The following EYS variants were observed in gnomAD, a reference collection of about 807,000 sequenced individuals.
The protein encoded by EYS is EGF-like photoreceptor maintenance factor.
Under a neutral mutation model 282.1 loss-of-function variants are expected in EYS, and 250 were observed. The observed-to-expected ratio is 0.89, with a 90% CI of 0.80 to 0.98. The LOEUF (loss-of-function observed/expected upper bound fraction) is 0.98. Among genes scored for constraint, EYS ranks in the 50% least tolerant of loss-of-function variants. EYS has a pLI of 0.00. For missense variants in EYS, 4,016 were observed against 3,709.0 expected, an observed-to-expected ratio of 1.08 and a Z score of -2.15; for synonymous variants, 1,355 against 1,282.9, an observed-to-expected ratio of 1.06 and a Z score of -1.20.
intron 30 of EYS, among the ~76,000 whole-genome samples, chr6:64,276,388 G>A (rs1259782170): frequency 6.6e-6 from 1 of 152,108 alleles, no homozygotes; most frequent in Non-Finnish European, 1.5e-5. Context: ...CTTCATCTCT[G>A]TCCATCAATT....
intron 12 of EYS, among the ~76,000 whole-genome samples, chr6:65,125,058 G>A (rs532041355): frequency 1.3e-5 from 2 of 152,164 alleles, no homozygotes; most frequent in Non-Finnish European, 2.9e-5. Context: ...GAACAACTAG[G>A]AAGGGTCATT....
chr6:64,418,178 A>G (rs931187157), intron 28 of EYS, among the ~76,000 whole-genome samples: 2 of 152,060 alleles, frequency 1.3e-5, no homozygotes, highest in Non-Finnish European at 2.9e-5. Context: ...AGAAGAGGCT[A>G]TCCTTTAATT....
At chr6:64,226,296 T>G (rs1478361900) in intron 31 of EYS, among the ~76,000 whole-genome samples, 3 of 152,150 alleles carry the variant, frequency 2.0e-5, no homozygotes, top group Non-Finnish European at 4.4e-5. Context: ...TTTCTACTTT[T>G]GTAATTTCCT....
intron 28 of EYS, among the ~76,000 whole-genome samples, chr6:64,416,741 T>TAAG (rs1284912544): frequency 3.9e-5 from 6 of 152,228 alleles, no homozygotes; most frequent in Non-Finnish European, 7.3e-5. Flanking sequence ...TAAAATTTTC[T>TAAG]AAGTTCCATC....
At chr6:65,373,587 CA>C (rs771434262) in intron 8 of EYS, among the ~76,000 whole-genome samples, 176 of 151,962 alleles carry the variant, frequency 1.2e-3, no homozygotes, top group Non-Finnish European at 2.1e-3. Context: ...TAAATACATA[CA>C]AATATCTAAA....
intron 26 of EYS, among the ~76,000 whole-genome samples, chr6:64,526,482 T>A (rs1387355763): frequency 6.6e-6 from 1 of 151,812 alleles, no homozygotes; most frequent in Non-Finnish European, 1.5e-5. Context: ...AATTATATAT[T>A]TTTTCCAGAC....
intron 41 of EYS, among the ~76,000 whole-genome samples, chr6:63,749,943 G>A (rs1467236847): frequency 6.6e-6 from 1 of 152,166 alleles, no homozygotes; most frequent in East Asian, 1.9e-4. Context: ...ACCTGGCTGT[G>A]TCTGGTTGGC....
chr6:64,601,716 C>G (rs1766767058), intron 24 of EYS, among the ~76,000 whole-genome samples: 1 of 151,988 alleles, frequency 6.6e-6, no homozygotes, highest in Non-Finnish European at 1.5e-5. Flanking sequence ...CATCATTTCC[C>G]TTTTGAAAAA....
intron 36 of EYS, among the ~76,000 whole-genome samples, chr6:63,814,797 T>C (rs1038137767): frequency 6.6e-6 from 1 of 152,198 alleles, no homozygotes; most frequent in Non-Finnish European, 1.5e-5. Flanking sequence ...GTATCTGCAA[T>C]ACATTACAGT....
At chr6:64,024,516 C>A (rs576861151) in intron 33 of EYS, among the ~76,000 whole-genome samples, 2 of 152,028 alleles carry the variant, frequency 1.3e-5, no homozygotes, top group Non-Finnish European at 2.9e-5. Flanking sequence ...GCAGGCTTCC[C>A]GAGCAAGCAG....
In EYS at chr6:65,680,685, A is replaced by C. The variant is rs147298315; in HGVS notation, c.-448+26450T>G. 9.8e-4 allele frequency among the ~76,000 whole-genome samples: 149 copies of C among 152,124 alleles called. 5 individuals carry two copies. In the East Asian group the frequency reaches 0.026, roughly 26 times the overall value. Reference sequence around the variant, plus strand: ...GACTCTGATTTATATGCTGAGTTCAATTTCAGCTTTCTATTATAAATGACC... The same window carrying C: ...GACTCTGATTTATATGCTGAGTTCACTTTCAGCTTTCTATTATAAATGACC... On this transcript the variant is annotated intron_variant, in intron 1 of 42. Coordinates refer to ENST00000503581, the MANE Select transcript of EYS (RefSeq NM_001142800.2).
intron 24 of EYS, among the ~76,000 whole-genome samples, chr6:64,602,734 A>G (rs2149838973): frequency 6.6e-6 from 1 of 152,222 alleles, no homozygotes; most frequent in East Asian, 1.9e-4. Context: ...AACATGCATC[A>G]AGAAACATTT....
rs577044383 is a variant in EYS, at chr6:65,344,091, C to T, written c.1546G>A (p.Asp516Asn). 30 of 1,610,482 alleles carry T rather than the reference C, an allele frequency of 1.9e-5. No homozygotes were observed. The highest frequency in any genetic ancestry group is 1.7e-4 in the Middle Eastern group (1 of 5,968). Residue 516 changes from aspartate to asparagine, a missense_variant, in exon 10 of 43, where the codon GAT becomes AAT. By Grantham distance (23) the Asp-to-Asn change is conservative. Coordinates refer to ENST00000503581, the MANE Select transcript of EYS (RefSeq NM_001142800.2). ...NCTEDATYVN[D>N]PEDNNSSCWF... Reference sequence around the variant, plus strand: ...CATGAAGAATTATTATCTTCAGGATCGTTCACATAGGTTGCATCTTCAGTG... The same window carrying T: ...CATGAAGAATTATTATCTTCAGGATTGTTCACATAGGTTGCATCTTCAGTG...
chr6:64,007,888 G>C (rs1300492053), intron 33 of EYS, among the ~76,000 whole-genome samples: 1 of 152,082 alleles, frequency 6.6e-6, no homozygotes, highest in Non-Finnish European at 1.5e-5. Flanking sequence ...AATTTGCTGA[G>C]GATTGTTTTA....
chr6:64,215,976 C>T (rs944922929), intron 31 of EYS, among the ~76,000 whole-genome samples: 1 of 152,016 alleles, frequency 6.6e-6, no homozygotes, highest in Non-Finnish European at 1.5e-5. Context: ...CATTGGCGGG[C>T]ATGGGACATG....
In EYS at chr6:65,326,345, T is replaced by A. The variant is rs1162150976; in HGVS notation, c.1766+8635A>T. ...TCTGATAAATTTTTAAATGGTGTAA[T>A]TTTTTTCTACCATTGATTAGAAATG... On this transcript the variant is annotated intron_variant, in intron 11 of 42. Transcript: ENST00000503581. Among the ~76,000 whole-genome samples, 3 of 151,546 alleles carry A rather than the reference T, an allele frequency of 2.0e-5. No individual in the cohort carries two copies. The East Asian group carries it at 5.8e-4, about 29-fold the overall frequency.
In EYS at chr6:65,495,276, T is replaced by G. The variant is rs1263771520; in HGVS notation, c.135A>C (p.Leu45=). 2 of 1,614,028 alleles carry G rather than the reference T, an allele frequency of 1.2e-6. No homozygotes were observed. Among genetic ancestry groups the G allele is most frequent in the African/African-American group, 1.3e-5 (1 of 74,946 alleles). The stretch of plus-strand genomic sequence containing the variant: ...AGAAGTCCAAGCAGATGTTTTCTGT[T>G]AGTGTCCAATTTACCACATATGATG... ...QPSSYVVNWT[L]TENICLDFYR... The change falls in exon 4 of 43, where the codon CTA becomes CTC. Residue 45 remains leucine, a synonymous_variant. Coordinates refer to ENST00000503581, the MANE Select transcript of EYS (RefSeq NM_001142800.2).
At chr6:64,618,324 T>C (rs1465711088) in intron 23 of EYS, among the ~76,000 whole-genome samples, 1 of 152,184 alleles carries the variant, frequency 6.6e-6, no homozygotes, top group Non-Finnish European at 1.5e-5. Context: ...TTACTTCTAA[T>C]GAATCTTAAT....
Position 64,511,856 on chromosome 6 carries a change from T to C in EYS, c.5645-72504A>G, listed in dbSNP as rs552226496. ...TAAAATGTGTCACTTCTCCTGAACT[T>C]AGTTTTGAAAATCAGATGCTAGCTT... On this transcript the variant is annotated intron_variant, in intron 26 of 42. Coordinates refer to ENST00000503581, the MANE Select transcript of EYS (RefSeq NM_001142800.2). Among the ~76,000 whole-genome samples, 5 of 152,146 alleles carry C rather than the reference T, an allele frequency of 3.3e-5. No homozygotes were observed. The East Asian group carries it at 9.7e-4, about 30-fold the overall frequency.
Sources: gnomAD v4.1 joint callset for allele counts (sites outside exome capture counted in the v4.1 genomes callset) on GRCh38, gnomAD v4.1.1 for gene constraint, MANE v1.5 for transcripts, NCBI Gene and HGNC (gene_info 2026-07-23, HGNC 2026-07-21) for gene names.